The following PIEZO2 variants were observed in gnomAD, a reference collection of about 807,000 sequenced individuals.
PIEZO2 encodes the protein piezo-type mechanosensitive ion channel component 2.
A neutral mutation model predicts 337.3 loss-of-function variants in PIEZO2; 172 were observed. The observed-to-expected ratio is 0.51, with a 90% CI of 0.45 to 0.58. PIEZO2 has a LOEUF of 0.58. Among genes scored for constraint, PIEZO2 ranks in the 20% least tolerant of loss-of-function variants. The probability of loss-of-function intolerance (pLI) is 0.00; values close to 1 mark genes in which losing one functional copy is unlikely to be tolerated. For missense variants in PIEZO2, 3,028 were observed against 3,391.3 expected (o/e 0.89, Z 2.66); for synonymous variants, 1,251 against 1,228.5 (o/e 1.02, Z -0.38).
intron 2 of PIEZO2, among the ~76,000 whole-genome samples, chr18:11,020,030 T>G (rs898656401): frequency 4.6e-5 from 7 of 152,174 alleles, no homozygotes; most frequent in Non-Finnish European, 7.3e-5. Context: ...TCTGACCCAA[T>G]AAATCTTCTC....
chr18:11,080,185 TAAG>T lies in PIEZO2; in HGVS notation c.65-13966_65-13964del, dbSNP rs1003482075. Among the ~76,000 whole-genome samples, 23 of 152,188 alleles carry T rather than the reference TAAG, an allele frequency of 1.5e-4. No individual in the cohort carries two copies. The highest frequency in any genetic ancestry group is 2.6e-4 in the Non-Finnish European group (18 of 68,032). ...ACAGACTATTAACAGTAGTTGCTTC[TAAG>T]AAGAACTGAAGGGAAAACTATGGCT... is the stretch of plus-strand genomic sequence containing the variant. On this transcript the variant is annotated intron_variant, in intron 1 of 55. Coordinates refer to ENST00000674853, the MANE Select transcript of PIEZO2 (RefSeq NM_001378183.1). The surrounding 1 kb of genome is among the most constrained non-coding windows in gnomAD (Gnocchi z 5.4).
chr18:10,672,631 A>G lies in PIEZO2; in HGVS notation c.8345+59T>C. On this transcript the variant is annotated intron_variant, in intron 55 of 55. Coordinates refer to ENST00000674853, the MANE Select transcript of PIEZO2 (RefSeq NM_001378183.1). This position sits in a 1 kb window ranked among gnomAD's most constrained non-coding sequence, Gnocchi z 4.7. ...AGAAGATAAAAGGCTTCCCACTCTC[A>G]ACTTTACATGATACAGAAGTAGACT... The G allele has an allele frequency of 6.4e-7, 1 of 1,551,162 alleles. No homozygotes were observed. Among genetic ancestry groups the G allele is most frequent in the Non-Finnish European group, 8.7e-7 (1 of 1,149,454 alleles).
chr18:10,797,227 T>C, intron 12 of PIEZO2, 147 bp downstream of exon 12: 1 of 631,696 alleles, frequency 1.6e-6, no homozygotes, highest in Non-Finnish European at 2.6e-6. Context: ...TACCATCATA[T>C]ATGTACTATC....
Position 10,956,070 on chromosome 18 carries a change from C to A in PIEZO2, c.286+23465G>T, listed in dbSNP as rs149774680. On this transcript the variant is annotated intron_variant, in intron 3 of 55. Transcript: ENST00000674853. ...ATTATTATTAGTATTTTATGGAATTCATATATAAGGCTTTGACTGATGTGG... is the reference window on the plus strand; with the variant it reads ...ATTATTATTAGTATTTTATGGAATTAATATATAAGGCTTTGACTGATGTGG... Among the ~76,000 whole-genome samples the A allele has an allele frequency of 8.5e-4, 130 of 152,228 alleles. 1 individual carries two copies. Among genetic ancestry groups the A allele is most frequent in the African/African-American group, 3.1e-3 (127 of 41,558 alleles).
At position 10,748,340 on chromosome 18, in the gene PIEZO2, A is replaced by G; in HGVS notation, c.4424+131T>C. 1 of 872,200 alleles carries G rather than the reference A, an allele frequency of 1.1e-6. No homozygotes were observed. The highest frequency in any genetic ancestry group is 2.7e-5 in the East Asian group (1 of 37,082). The allele number at this position is 872,200 out of a possible 1,614,324, so 54.0% of individuals were successfully genotyped here. A position where few individuals can be genotyped will look rare whatever the true frequency, so the allele number is the denominator to read the frequency against. ...AGGCCTTGTGCTAAATTCTTCTTGG[A>G]TTGGTTTTGCTGGAAGGGATTTCTT... On this transcript the variant is annotated intron_variant, in intron 30 of 55. Transcript: ENST00000674853. The surrounding 1 kb of genome is among the most constrained non-coding windows in gnomAD (Gnocchi z 5.1).
chr18:11,009,454 G>A lies in PIEZO2; in HGVS notation c.161-29794C>T, dbSNP rs1223015907. ...TGAGAACCACTGTGCTGGAGATTCA[G>A]CTGAAGGGAGGTTGAGCCCAGCTCA... is the stretch of plus-strand genomic sequence containing the variant. On this transcript the variant is annotated intron_variant, in intron 2 of 55. Coordinates refer to ENST00000674853, the MANE Select transcript of PIEZO2 (RefSeq NM_001378183.1). The surrounding 1 kb of genome is among the most constrained non-coding windows in gnomAD (Gnocchi z 4.6). Among the ~76,000 whole-genome samples, 1 of 152,222 alleles carries A rather than the reference G, an allele frequency of 6.6e-6. No individual in the cohort carries two copies. The highest frequency in any genetic ancestry group is 1.5e-5 in the Non-Finnish European group (1 of 68,038).
Position 10,691,303 on chromosome 18 carries a change from C to T in PIEZO2, c.7271G>A (p.Arg2424His), listed in dbSNP as rs559917303. Reference protein sequence around the residue: ...VYFGLSAYQIRCGYPTRVLGN... With the variant: ...VYFGLSAYQIHCGYPTRVLGN... ...CAGGACTCGCGTTGGGTAGCCACAA[C>T]GGATCTGGTAAGCAGACAACCCGAA... Residue 2424 changes from arginine to histidine, a missense_variant, in exon 48 of 56, where the codon CGT (arginine) becomes CAT (histidine). Around this residue, in one of 5 missense-constraint regions of PIEZO2, gnomAD observed 179 missense variants for 281.8 expected, o/e 0.64. Transcript: ENST00000674853. 11 of 1,614,056 alleles carry T rather than the reference C, an allele frequency of 6.8e-6. No individual in the cohort carries two copies. The highest frequency in any genetic ancestry group is 6.7e-5 in the East Asian group (3 of 44,868).
At chr18:10,865,559 T>A (rs2041983353) in intron 5 of PIEZO2, among the ~76,000 whole-genome samples, 1 of 152,180 alleles carries the variant, frequency 6.6e-6, no homozygotes, top group Non-Finnish European at 1.5e-5. Flanking sequence ...CTCAAGCAGC[T>A]GGGTAGATGG....
In PIEZO2 at chr18:10,813,330, T is replaced by C. The variant is rs1238830488; in HGVS notation, c.918-6056A>G. On this transcript the variant is annotated intron_variant, in intron 7 of 55. Transcript: ENST00000674853. The surrounding 1 kb of genome is among the most constrained non-coding windows in gnomAD (Gnocchi z 4.2). ...TTCAGTGGTATTAATTACACTCATA[T>C]TGTTGCGAAACCAATCGCCAGAACT... Among the ~76,000 whole-genome samples, 1 of 152,240 alleles carries C rather than the reference T, an allele frequency of 6.6e-6. No individual in the cohort carries two copies. Among genetic ancestry groups the C allele is most frequent in the East Asian group, 1.9e-4 (1 of 5,198 alleles).
chr18:11,091,383 CAAA>C (rs529307821), intron 1 of PIEZO2, among the ~76,000 whole-genome samples: 3 of 77,848 alleles, frequency 3.9e-5, no homozygotes, highest in Non-Finnish European at 5.7e-5. Context: ...GACTCCGTCT[CAAA>C]AAAAAAAAAA....
rs1237215604 is a variant in PIEZO2, at chr18:10,672,258, T to C, written c.8345+432A>G. Among the ~76,000 whole-genome samples, 1 of 152,172 alleles carries C rather than the reference T, an allele frequency of 6.6e-6. No individual in the cohort carries two copies. The highest frequency in any genetic ancestry group is 1.5e-5 in the Non-Finnish European group (1 of 68,026). The stretch of plus-strand genomic sequence containing the variant: ...ACTTTGAGAAATACAATATTTTACA[T>C]TTGTGTCTTGTGGGGATGTGCGTGT... On this transcript the variant is annotated intron_variant, in intron 55 of 55. Coordinates refer to ENST00000674853, the MANE Select transcript of PIEZO2 (RefSeq NM_001378183.1). The surrounding 1 kb of genome is among the most constrained non-coding windows in gnomAD (Gnocchi z 4.7).
intron 11 of PIEZO2, among the ~76,000 whole-genome samples, chr18:10,797,954 C>T (rs550482611): frequency 6.6e-6 from 1 of 152,354 alleles, no homozygotes; most frequent in South Asian, 2.1e-4. Flanking sequence ...TGAGTGCTCT[C>T]TCTTATTCTC....
In PIEZO2 at chr18:11,096,245, G is replaced by A. The variant is rs930021534; in HGVS notation, c.65-30023C>T. Among the ~76,000 whole-genome samples, 4 of 152,224 alleles carry A rather than the reference G, an allele frequency of 2.6e-5. No homozygotes were observed. Among genetic ancestry groups the A allele is most frequent in the African/African-American group, 7.2e-5 (3 of 41,456 alleles). ...GAGAAGGACCACGTGCCCTTTGCCA[G>A]ACCAAGCCTGTCCACCCAATGGAAC... On this transcript the variant is annotated intron_variant, in intron 1 of 55. Transcript: ENST00000674853. This position sits in a 1 kb window ranked among gnomAD's most constrained non-coding sequence, Gnocchi z 4.6.
intron 20 of PIEZO2, among the ~76,000 whole-genome samples, chr18:10,772,049 A>C (rs1800509664): frequency 6.6e-6 from 1 of 152,218 alleles, no homozygotes; most frequent in South Asian, 2.1e-4. Flanking sequence ...ACAATTCTCA[A>C]TTTTATTAAT....
At chr18:11,057,003 A>G (rs1315163846) in intron 2 of PIEZO2, among the ~76,000 whole-genome samples, 2 of 152,288 alleles carry the variant, frequency 1.3e-5, no homozygotes, top group East Asian at 1.9e-4. Flanking sequence ...CTGAAGGGAG[A>G]GGACATTGGA....
chr18:10,849,622 G>A (rs2041478237), intron 7 of PIEZO2, among the ~76,000 whole-genome samples: 1 of 152,188 alleles, frequency 6.6e-6, no homozygotes, highest in South Asian at 2.1e-4. Context: ...AGCCCTACAA[G>A]TAGGAAACGC....
At chr18:10,720,174 C>G (rs2036196999) in intron 36 of PIEZO2, among the ~76,000 whole-genome samples, 1 of 145,406 alleles carries the variant, frequency 6.9e-6, no homozygotes, top group Non-Finnish European at 1.5e-5. Context: ...AAAACTCAAA[C>G]TGGGCTTCAT....
chr18:10,998,825 A>G (rs994107202), intron 2 of PIEZO2, among the ~76,000 whole-genome samples: 1 of 149,426 alleles, frequency 6.7e-6, no homozygotes, highest in Admixed American at 6.8e-5. Flanking sequence ...TTATTCATAC[A>G]TTTTATTTAT....
Position 10,702,050 on chromosome 18 carries a change from C to T in PIEZO2, c.6380G>A (p.Gly2127Asp), listed in dbSNP as rs1207335509. Reference protein sequence around the residue: ...PNIIGVEKKEGYVLYDLIQLL... With the variant: ...PNIIGVEKKEDYVLYDLIQLL... ...CTGGATGAGGTCATAGAGAACATAA[C>T]CTTCCTTCTTTTCCACTCCTATGAT... Residue 2127 changes from glycine (G) to aspartate (D), a missense_variant, in exon 43 of 56, where the codon GGT becomes GAT. This residue lies in a region of PIEZO2 where 1,925 missense variants were observed against 2,051.9 expected (regional missense o/e 0.94). Coordinates refer to ENST00000674853, the MANE Select transcript of PIEZO2 (RefSeq NM_001378183.1). The T allele has an allele frequency of 1.3e-6, 2 of 1,536,820 alleles. No individual in the cohort carries two copies. Among genetic ancestry groups the T allele is most frequent in the Non-Finnish European group, 8.7e-7 (1 of 1,146,734 alleles).
Sources: gnomAD v4.1 joint callset for allele counts (sites outside exome capture counted in the v4.1 genomes callset) on GRCh38, gnomAD v4.1.1 for gene constraint, gnomAD v4.1.1 regional missense constraint, Gnocchi (gnomAD v3.1) non-coding constraint, MANE v1.5 for transcripts, NCBI Gene and HGNC (gene_info 2026-07-23, HGNC 2026-07-21) for gene names.